The following SPP2 variants were observed in gnomAD, a reference collection of about 807,000 sequenced individuals.
SPP2 encodes the protein secreted phosphoprotein 24.
In SPP2, 34 loss-of-function variants were observed where a neutral mutation model predicts 28.8. The ratio of observed to expected loss-of-function variants is 1.18; its 90% CI spans 0.90 to 1.57. SPP2 has a LOEUF of 1.57. Among genes scored for constraint, SPP2 ranks in the 40% most tolerant of loss-of-function variants. The pLI, the probability that SPP2 is intolerant of heterozygous loss-of-function variation, is 0.00. For synonymous variants in SPP2, 96 were observed against 89.4 expected (o/e 1.07, Z -0.42); for missense variants, 269 against 263.9 (o/e 1.02, Z -0.13).
At chr2:234,057,612 T>A (rs6715369) in intron 2 of SPP2, among the ~76,000 whole-genome samples, 59,891 of 152,088 alleles carry the variant, frequency 0.39, 13,131 homozygotes, top group African/African-American at 0.58. Context: ...TTTAAGCCAC[T>A]GGGCATCTTC....
chr2:234,068,644 A>G (rs751397940), intron 6 of SPP2, among the ~76,000 whole-genome samples: 7 of 150,580 alleles, frequency 4.6e-5, no homozygotes, highest in Non-Finnish European at 1.0e-4. Flanking sequence ...TGACAGCATG[A>G]CCACTGCTGA....
intron 5 of SPP2, 92 bp downstream of exon 5, chr2:234,066,679 A>C: frequency 2.1e-6 from 2 of 951,356 alleles, no homozygotes; most frequent in Non-Finnish European, 3.2e-6. Flanking sequence ...CTAGAAATAC[A>C]TATGTATGTA....
intron 4 of SPP2, 70 bp downstream of exon 4, chr2:234,060,549 G>A: frequency 1.6e-6 from 2 of 1,268,680 alleles, no homozygotes; most frequent in Non-Finnish European, 2.2e-6. Context: ...GAAAAACAGA[G>A]TGGTTTGCTG....
intron 2 of SPP2, chr2:234,056,387 G>C (rs1270419457): frequency 6.6e-6 from 1 of 152,160 alleles, no homozygotes; most frequent in African/African-American, 2.4e-5. Context: ...TTATTGTTCA[G>C]CATTTAGGCT....
intron 2 of SPP2, among the ~76,000 whole-genome samples, chr2:234,054,745 A>G (rs1377162877): frequency 2.0e-5 from 3 of 152,156 alleles, no homozygotes; most frequent in South Asian, 4.2e-4. Context: ...CAAACAGTCC[A>G]TTGCAATCTT....
At chr2:234,055,780 C>A (rs1479346678) in intron 2 of SPP2, among the ~76,000 whole-genome samples, 1 of 151,364 alleles carries the variant, frequency 6.6e-6, no homozygotes, top group Non-Finnish European at 1.5e-5. Flanking sequence ...TAGGACAATA[C>A]TGTAATACTG....
In SPP2 at chr2:234,056,741, G is replaced by A. The variant is rs145403743; in HGVS notation, c.211-2095G>A. Among the ~76,000 whole-genome samples, 560 of 152,066 alleles carry A rather than the reference G, an allele frequency of 3.7e-3. 7 individuals carry two copies. The highest frequency in any genetic ancestry group is 0.013 in the African/African-American group (540 of 41,472). ...TTTTTTAATGAGACACAGATTTAAC[G>A]TTCAATATATTAAAATTATAAGTAT... On this transcript the variant is annotated intron_variant, in intron 2 of 7. Transcript: ENST00000168148.
intron 7 of SPP2, among the ~76,000 whole-genome samples, chr2:234,075,004 A>C (rs1690869122): frequency 6.3e-5 from 3 of 47,296 alleles, no homozygotes. Flanking sequence ...AAAATGCAAA[A>C]AAAAAAAAAA....
chr2:234,051,002 C>G lies in SPP2; in HGVS notation c.117C>G (p.Ser39=), dbSNP rs1234717374. 6.2e-7 allele frequency: 1 copy of G among 1,613,882 alleles called. No individual in the cohort carries two copies. Among genetic ancestry groups the G allele is most frequent in the East Asian group, 2.2e-5 (1 of 44,882 alleles). The part of the protein sequence containing the change: ...GFPVYDYDPS[S]LRDALSASVV... ...CAGTGTACGACTACGATCCATCCTC[C>G]TTAAGGGATGCCCTCAGTGCCTCTG... is the stretch of plus-strand genomic sequence containing the variant. Residue 39 remains serine, a synonymous_variant, in exon 2 of 8, where the codon TCC becomes TCG. Coordinates refer to ENST00000168148, the MANE Select transcript of SPP2 (RefSeq NM_006944.3).
At chr2:234,071,693 C>A (rs1437017197) in intron 7 of SPP2, among the ~76,000 whole-genome samples, 1 of 152,214 alleles carries the variant, frequency 6.6e-6, no homozygotes, top group Admixed American at 6.5e-5. Context: ...GTGTAGCTCA[C>A]AATGGCTTTC....
intron 4 of SPP2, among the ~76,000 whole-genome samples, chr2:234,064,715 C>T (rs902424361): frequency 6.6e-6 from 1 of 152,114 alleles, no homozygotes; most frequent in Non-Finnish European, 1.5e-5. Context: ...GTTCTCTATT[C>T]CTCATTCCTC....
At chr2:234,073,188 G>T (rs527461830) in intron 7 of SPP2, among the ~76,000 whole-genome samples, 2 of 152,140 alleles carry the variant, frequency 1.3e-5, no homozygotes, top group South Asian at 4.1e-4. Flanking sequence ...ACGCCTGGCC[G>T]ACCATAAACT....
At chr2:234,071,689 C>A (rs1253684435) in intron 7 of SPP2, among the ~76,000 whole-genome samples, 1 of 152,182 alleles carries the variant, frequency 6.6e-6, no homozygotes, top group Non-Finnish European at 1.5e-5. Context: ...CCCAGTGTAG[C>A]TCACAATGGC....
Position 234,050,769 on chromosome 2 carries a change from T to C in SPP2, c.-18T>C. 1 of 1,611,182 alleles carries C rather than the reference T, an allele frequency of 6.2e-7. No homozygotes were observed. The highest frequency in any genetic ancestry group is 8.5e-7 in the Non-Finnish European group (1 of 1,177,424). ...CCCAAACACATAGAGAGACACTCTC[T>C]GTCTCTCGATTACAATCATGATTTC... is the stretch of plus-strand genomic sequence containing the variant. On this transcript the variant is annotated 5_prime_UTR_variant, in exon 1 of 8. Transcript: ENST00000168148.
chr2:234,053,176 A>C (rs1693534292), intron 2 of SPP2, among the ~76,000 whole-genome samples: 1 of 135,238 alleles, frequency 7.4e-6, no homozygotes, highest in African/African-American at 2.9e-5. Flanking sequence ...AACGGTGAAA[A>C]AAACATCACA....
In SPP2 at chr2:234,064,681, G is replaced by A. The variant is rs772002382; in HGVS notation, c.445-1852G>A. 2.0e-4 allele frequency among the ~76,000 whole-genome samples: 30 copies of A among 152,078 alleles called. 1 individual carries two copies. Among genetic ancestry groups the A allele is most frequent in the South Asian group, 1.0e-3 (5 of 4,816 alleles). ...TAAATCCAGAACACTTTTATCACGCGGGAGAGAGACCCCAGTAACAGTTGT... is the reference window on the plus strand; with the variant it reads ...TAAATCCAGAACACTTTTATCACGCAGGAGAGAGACCCCAGTAACAGTTGT... On this transcript the variant is annotated intron_variant, in intron 4 of 7. Transcript: ENST00000168148.
chr2:234,069,133 CT>C lies in SPP2; in HGVS notation c.551-793del, dbSNP rs574844527. On this transcript the variant is annotated intron_variant, in intron 6 of 7. Transcript: ENST00000168148. Reference sequence around the variant, plus strand: ...CTTACCATATGACCTTTCCATAAGACTTCTGAATGTCCTCAAATCATGACAG... The same window carrying C: ...CTTACCATATGACCTTTCCATAAGACTCTGAATGTCCTCAAATCATGACAG... Among the ~76,000 whole-genome samples, 537 of 152,044 alleles carry C rather than the reference CT, an allele frequency of 3.5e-3. 5 individuals carry two copies. Among genetic ancestry groups the C allele is most frequent in the African/African-American group, 0.013 (519 of 41,424 alleles).
intron 2 of SPP2, among the ~76,000 whole-genome samples, chr2:234,058,265 T>C (rs1222706457): frequency 6.6e-6 from 1 of 151,908 alleles, no homozygotes; most frequent in Admixed American, 6.6e-5. Context: ...GGGGCCATCA[T>C]AAACATAAAG....
chr2:234,058,848 G>A lies in SPP2; in HGVS notation c.223G>A (p.Asp75Asn). The change falls in exon 3 of 8, where the codon GAT becomes AAT. Residue 75 changes from aspartate to asparagine, a missense_variant. Physicochemically the swap from Asp to Asn is conservative, Grantham distance 23. Transcript: ENST00000168148. ...RSSLKRVEVL[D>N]ENNLVMNLEF... is the part of the protein sequence containing the mutation. ...TATTTTTGTGAAGGTTGAGGTCCTAGATGAGAACAACTTGGTCATGAATTT... is the reference window on the plus strand; with the variant it reads ...TATTTTTGTGAAGGTTGAGGTCCTAAATGAGAACAACTTGGTCATGAATTT... 1 of 1,613,960 alleles carries A rather than the reference G, an allele frequency of 6.2e-7. No homozygotes were observed. Among genetic ancestry groups the A allele is most frequent in the East Asian group, 2.2e-5 (1 of 44,890 alleles).
Sources: allele counts gnomAD v4.1 joint callset (sites outside exome capture counted in the v4.1 genomes callset), GRCh38; gene constraint gnomAD v4.1.1; transcripts MANE v1.5; gene names NCBI Gene and HGNC (gene_info 2026-07-23, HGNC 2026-07-21).